The following KPNB1 variants were observed in gnomAD, a reference collection of about 807,000 sequenced individuals.
KPNB1 encodes the protein karyopherin subunit beta 1.
In KPNB1, 7 loss-of-function variants were observed where a neutral mutation model predicts 113.0. That is an observed-to-expected ratio of 0.06 (90% confidence interval 0.04 to 0.12). The LOEUF (loss-of-function observed/expected upper bound fraction) is 0.12, where lower values mean the gene tolerates loss of function less well. KPNB1 is among the 10% of genes least tolerant of loss of function. The pLI is 1.00. For missense variants in KPNB1, 400 were observed against 1,054.8 expected (o/e 0.38, Z 8.60); for synonymous variants, 363 against 378.6 (o/e 0.96, Z 0.48).
intron 12 of KPNB1, among the ~76,000 whole-genome samples, chr17:47,671,545 TTA>T (rs1258731958): frequency 5.9e-5 from 9 of 151,964 alleles, no homozygotes; most frequent in African/African-American, 1.7e-4. Flanking sequence ...AATTAATTAA[TTA>T]ATTTATTTTG....
At chr17:47,654,229 A>G (rs1180908455) in intron 3 of KPNB1, among the ~76,000 whole-genome samples, 2 of 152,186 alleles carry the variant, frequency 1.3e-5, no homozygotes, top group African/African-American at 4.8e-5. Flanking sequence ...AGCCTGGCCA[A>G]CATGGCGAAA....
chr17:47,650,837 G>T (rs1033213719), intron 2 of KPNB1, among the ~76,000 whole-genome samples: 1 of 152,146 alleles, frequency 6.6e-6, no homozygotes, highest in Non-Finnish European at 1.5e-5. Context: ...CCGGCCGCCC[G>T]CCCTGTCTGA....
intron 1 of KPNB1, 24 bp from the exon 2 acceptor site, chr17:47,650,362 C>T (rs377729225): frequency 1.8e-5 from 29 of 1,611,176 alleles, no homozygotes; most frequent in African/African-American, 8.0e-5. Context: ...GACCCCGCTC[C>T]GTCTCCCACT....
chr17:47,656,754 GAA>G (rs2029921991), intron 3 of KPNB1, 104 bp from the exon 4 acceptor site: 2 of 1,137,490 alleles, frequency 1.8e-6, no homozygotes, highest in East Asian at 4.9e-5. Flanking sequence ...TCTTAAGAAA[GAA>G]AGAAAAAAAA....
At chr17:47,651,446 C>A in intron 2 of KPNB1, 1 of 676,856 alleles carries the variant, frequency 1.5e-6, no homozygotes, top group Non-Finnish European at 1.8e-6. Flanking sequence ...AAAATGTCAA[C>A]ATCAACAAAG....
At position 47,660,564 on chromosome 17, in the gene KPNB1, G is replaced by C. The variant is rs540269839; in HGVS notation, c.637-555G>C. On this transcript the variant is annotated intron_variant, in intron 5 of 21. Coordinates refer to ENST00000290158, the MANE Select transcript of KPNB1 (RefSeq NM_002265.6). ...TGGGTTTTTACCATTTCTTGACTTT[G>C]GAAAGGTCTGAAACCCCAGAGCAAA... 4.7e-4 allele frequency among the ~76,000 whole-genome samples: 72 copies of C among 152,102 alleles called. 1 individual carries two copies. Among genetic ancestry groups the C allele is most frequent in the South Asian group, 1.9e-3 (9 of 4,830 alleles).
Position 47,673,599 on chromosome 17 carries a change from G to A in KPNB1, c.1767+38G>A, listed in dbSNP as rs539348133. 1.4e-5 allele frequency: 21 copies of A among 1,458,956 alleles called. No homozygotes were observed. In the East Asian group the frequency reaches 4.3e-4, roughly 30 times the overall value. 90.4% of individuals were successfully genotyped at this position (1,458,956 alleles called of 1,614,324 possible). On this transcript the variant is annotated intron_variant, in intron 14 of 21. Transcript: ENST00000290158. ...CTTATGACTTAATAACTCCAGGTTG[G>A]AGAATTATTAGTATCTCAGTATAAC...
In KPNB1 at chr17:47,658,495, C is replaced by T. The variant is rs2029976279; in HGVS notation, c.484-13C>T. 2.5e-6 allele frequency: 4 copies of T among 1,609,972 alleles called. No homozygotes were observed. In the South Asian group the frequency reaches 3.3e-5, roughly 13 times the overall value. On this transcript the variant is annotated splice_polypyrimidine_tract_variant and intron_variant, in intron 4 of 21. Coordinates refer to ENST00000290158, the MANE Select transcript of KPNB1 (RefSeq NM_002265.6). ...CTGACTGTATATTCATTGCACTTCT[C>T]TGCTTGTTACAGGACCCAGAGCAGC...
intron 1 of KPNB1, 22 bp from the exon 2 acceptor site, chr17:47,650,364 T>G (rs1185791537): frequency 1.2e-6 from 2 of 1,610,350 alleles, no homozygotes; most frequent in Non-Finnish European, 1.7e-6. Context: ...CCCCGCTCCG[T>G]CTCCCACTTT....
chr17:47,657,956 C>G (rs1291418085), intron 4 of KPNB1, among the ~76,000 whole-genome samples: 1 of 152,176 alleles, frequency 6.6e-6, no homozygotes, highest in Non-Finnish European at 1.5e-5. Context: ...GTGGCTTACA[C>G]CTGTAGTCCC....
At chr17:47,653,047 G>C (rs1915622306) in intron 3 of KPNB1, among the ~76,000 whole-genome samples, 171 bp downstream of exon 3, 2 of 152,266 alleles carry the variant, frequency 1.3e-5, no homozygotes, top group Middle Eastern at 3.4e-3. Flanking sequence ...AACACAGCTT[G>C]TCCATTCCCA....
rs1254084099 is a variant in KPNB1, at chr17:47,679,849, A to G, written c.2354-171A>G. ...GTAGCTGGGACTACAGGCGCCCGCC[A>G]CCACGCCCGGCTAATTTTTTTGTAT... On this transcript the variant is annotated intron_variant, in intron 19 of 21. Transcript: ENST00000290158. The G allele has an allele frequency of 3.9e-5, 19 of 488,220 alleles. 1 individual carries two copies. Among genetic ancestry groups the G allele is most frequent in the South Asian group, 3.5e-4 (17 of 48,026 alleles). The allele number at this position is 488,220 out of a possible 1,614,324, so 30.2% of individuals were successfully genotyped here. A position where few individuals can be genotyped will look rare whatever the true frequency, so the allele number is the denominator to read the frequency against.
At chr17:47,671,128 A>G (rs1414721563) in intron 12 of KPNB1, among the ~76,000 whole-genome samples, 3 of 152,296 alleles carry the variant, frequency 2.0e-5, no homozygotes, top group East Asian at 3.9e-4. Flanking sequence ...GTGCTGGCGC[A>G]TGCCTGTAGT....
rs192972456 is a variant in KPNB1 at position 47,665,480 on chromosome 17, G to C, written c.999+322G>C. Among the ~76,000 whole-genome samples the C allele has an allele frequency of 4.6e-5, 7 of 152,318 alleles. No individual in the cohort carries two copies. The East Asian group carries it at 5.8e-4, about 13-fold the overall frequency. On this transcript the variant is annotated intron_variant, in intron 9 of 21. Coordinates refer to ENST00000290158, the MANE Select transcript of KPNB1 (RefSeq NM_002265.6). ...TCAGTGAAGCAAGGTTAGGAGCAAAGATGTGCTGGTTTTAGGCCACTTGCG... is the reference window on the plus strand; with the variant it reads ...TCAGTGAAGCAAGGTTAGGAGCAAACATGTGCTGGTTTTAGGCCACTTGCG...
intron 2 of KPNB1, 68 bp from the exon 3 acceptor site, chr17:47,652,626 T>C (rs545744365): frequency 7.5e-7 from 1 of 1,341,962 alleles, no homozygotes; most frequent in African/African-American, 1.5e-5. Context: ...TTCAGTGCTC[T>C]ATAAATTATC....
rs747330065 is a variant in KPNB1, at chr17:47,657,089, A to T, written c.483+29A>T. The T allele has an allele frequency of 3.8e-6, 6 of 1,582,856 alleles. No individual in the cohort carries two copies. The East Asian group carries it at 1.3e-4, about 36-fold the overall frequency. On this transcript the variant is annotated intron_variant, in intron 4 of 21. Transcript: ENST00000290158. ...AGTGCTTGCCTAATGTATCTGGTTT[A>T]TATACCTCTGATTGCCTCTAGCTGT...
At chr17:47,650,840 C>T (rs957218656) in intron 2 of KPNB1, among the ~76,000 whole-genome samples, 51 of 152,290 alleles carry the variant, frequency 3.3e-4, no homozygotes, top group African/African-American at 1.2e-3. Context: ...GCCGCCCGCC[C>T]TGTCTGACCC....
intron 15 of KPNB1, among the ~76,000 whole-genome samples, chr17:47,675,132 G>A (rs2030556793): frequency 6.6e-6 from 1 of 151,610 alleles, no homozygotes; most frequent in Admixed American, 6.6e-5. Flanking sequence ...TTTTGTTTGT[G>A]TGTGAAGATA....
At chr17:47,681,055 TTGTGTGTG>T (rs10602429) in intron 21 of KPNB1, among the ~76,000 whole-genome samples, 2 of 147,126 alleles carry the variant, frequency 1.4e-5, no homozygotes, top group East Asian at 2.0e-4. Flanking sequence ...AAATGTTTTT[TTGTGTGTG>T]TGTGTGTGTG....
Sources: allele counts gnomAD v4.1 joint callset (sites outside exome capture counted in the v4.1 genomes callset), GRCh38; gene constraint gnomAD v4.1.1; transcripts MANE v1.5; gene names NCBI Gene and HGNC (gene_info 2026-07-23, HGNC 2026-07-21).